YWHAG: variants seen among roughly 807,000 people sequenced by gnomAD.
YWHAG encodes 14-3-3 protein gamma.
Under a neutral mutation model 23.3 loss-of-function variants are expected in YWHAG, and 1 was observed. The observed-to-expected ratio is 0.04, with a 90% CI of 0.02 to 0.20. The LOEUF (loss-of-function observed/expected upper bound fraction) is 0.20. YWHAG is among the 10% of genes least tolerant of loss of function. YWHAG has a pLI of 1.00. For synonymous variants in YWHAG, 160 were observed against 144.0 expected, an observed-to-expected ratio of 1.11 and a Z score of -0.80; for missense variants, 151 against 338.6, an observed-to-expected ratio of 0.45 and a Z score of 4.35.
At chr7:76,339,369 C>T (rs944407204) in intron 1 of YWHAG, among the ~76,000 whole-genome samples, 9 of 152,022 alleles carry the variant, frequency 5.9e-5, no homozygotes, top group Non-Finnish European at 1.3e-4. Flanking sequence ...ACTCGGGAGG[C>T]GGAGACAGGA....
At chr7:76,336,177 G>A (rs140838565) in intron 1 of YWHAG, among the ~76,000 whole-genome samples, 14 of 152,218 alleles carry the variant, frequency 9.2e-5, no homozygotes, top group Non-Finnish European at 1.3e-4. Context: ...GAGCACACAG[G>A]ACTTTCAGGG....
chr7:76,351,348 A>G (rs961309342), intron 1 of YWHAG, among the ~76,000 whole-genome samples: 14 of 151,690 alleles, frequency 9.2e-5, no homozygotes, highest in African/African-American at 7.3e-5. Flanking sequence ...TGTTGTTCGT[A>G]TTCTCCTCTC....
chr7:76,358,975 G>T lies in YWHAG; in HGVS notation c.-167C>A. ...CGGCTGGAGCTGCGACCGCGGGACC[G>T]GGCGCGAGGCGGCTGCGGCTGCTGT... On this transcript the variant is annotated 5_prime_UTR_variant, in exon 1 of 2. Transcript: ENST00000307630. 5 of 541,986 alleles carry T rather than the reference G, an allele frequency of 9.2e-6. No homozygotes were observed. The South Asian group carries it at 1.1e-4, about 12-fold the overall frequency. 33.6% of individuals were successfully genotyped at this position (541,986 alleles called of 1,614,324 possible). A position where few individuals can be genotyped will look rare whatever the true frequency, so the allele number is the denominator to read the frequency against.
chr7:76,343,762 T>C (rs1191689544), intron 1 of YWHAG, among the ~76,000 whole-genome samples: 1 of 152,166 alleles, frequency 6.6e-6, no homozygotes, highest in African/African-American at 2.4e-5. Context: ...AAAGTGCCTG[T>C]GAGCTGGGAC....
At chr7:76,349,801 C>T (rs1447623805) in intron 1 of YWHAG, among the ~76,000 whole-genome samples, 1 of 152,138 alleles carries the variant, frequency 6.6e-6, no homozygotes, top group African/African-American at 2.4e-5. Context: ...CGAGATCAGC[C>T]TGGCTAACAT....
rs936153480 is a variant in YWHAG at position 76,358,959 on chromosome 7, C to G, written c.-151G>C. On this transcript the variant is annotated 5_prime_UTR_variant, in exon 1 of 2. Transcript: ENST00000307630. ...GGCTGCGCGGAGGAGGCGGCTGGAG[C>G]TGCGACCGCGGGACCGGGCGCGAGG... 7.7e-6 allele frequency: 5 copies of G among 648,940 alleles called. No individual in the cohort carries two copies. Among genetic ancestry groups the G allele is most frequent in the East Asian group, 3.4e-5 (1 of 29,034 alleles). 40.2% of individuals were successfully genotyped at this position (648,940 alleles called of 1,614,324 possible). A position where few individuals can be genotyped will look rare whatever the true frequency, so the allele number is the denominator to read the frequency against.
At chr7:76,333,821 G>T (rs531311031) in intron 1 of YWHAG, among the ~76,000 whole-genome samples, 1 of 152,368 alleles carries the variant, frequency 6.6e-6, no homozygotes, top group East Asian at 1.9e-4. Context: ...AGGCCACAAA[G>T]ATCAAGTTCT....
At chr7:76,355,039 C>T (rs1232960963) in intron 1 of YWHAG, among the ~76,000 whole-genome samples, 1 of 152,210 alleles carries the variant, frequency 6.6e-6, no homozygotes, top group African/African-American at 2.4e-5. Context: ...CCATTATCGA[C>T]ACATTCCTGA....
chr7:76,346,357 C>T (rs972083982), intron 1 of YWHAG, among the ~76,000 whole-genome samples: 2 of 152,212 alleles, frequency 1.3e-5, no homozygotes, highest in Non-Finnish European at 2.9e-5. Flanking sequence ...ATGGTTCCAA[C>T]ACACATGGAT....
chr7:76,344,447 C>T (rs558997690), intron 1 of YWHAG, among the ~76,000 whole-genome samples: 1 of 152,254 alleles, frequency 6.6e-6, no homozygotes, highest in South Asian at 2.1e-4. Context: ...CAGGAAGACA[C>T]CTCATCAAAT....
chr7:76,353,263 A>G (rs1051723225), intron 1 of YWHAG, among the ~76,000 whole-genome samples: 2 of 151,472 alleles, frequency 1.3e-5, no homozygotes, highest in African/African-American at 4.9e-5. Flanking sequence ...CCCAGGCTGG[A>G]GTGCAGTGGT....
chr7:76,357,485 C>T (rs1052463412), intron 1 of YWHAG, among the ~76,000 whole-genome samples: 1 of 152,138 alleles, frequency 6.6e-6, no homozygotes, highest in Non-Finnish European at 1.5e-5. Context: ...TCATAATGCT[C>T]AATACTTCCC....
At chr7:76,355,291 G>T (rs2115658174) in intron 1 of YWHAG, among the ~76,000 whole-genome samples, 1 of 152,260 alleles carries the variant, frequency 6.6e-6, no homozygotes, top group Non-Finnish European at 1.5e-5. Flanking sequence ...AATAAATAAG[G>T]CTTCCCTGAG....
At chr7:76,349,293 C>G (rs1266826332) in intron 1 of YWHAG, among the ~76,000 whole-genome samples, 5 of 149,570 alleles carry the variant, frequency 3.3e-5, no homozygotes, top group East Asian at 3.9e-4. Flanking sequence ...GAGCTGAGAT[C>G]GCGCCACTGC....
In YWHAG at chr7:76,329,212, T is replaced by C. The variant is rs1803502955; in HGVS notation, c.*365A>G. 1.4e-5 allele frequency: 3 copies of C among 214,512 alleles called. No individual in the cohort carries two copies. The highest frequency in any genetic ancestry group is 2.8e-5 in the Non-Finnish European group (3 of 106,800). The allele number at this position is 214,512 out of a possible 1,614,324, so 13.3% of individuals were successfully genotyped here. A position where few individuals can be genotyped will look rare whatever the true frequency, so the allele number is the denominator to read the frequency against. Reference sequence around the variant, plus strand: ...CGAGAGCGTATGTACATAAAAATCCTTACTGGAACCACAGAACTTACTGAA... The same window carrying C: ...CGAGAGCGTATGTACATAAAAATCCCTACTGGAACCACAGAACTTACTGAA... On this transcript the variant is annotated 3_prime_UTR_variant, in exon 2 of 2. Coordinates refer to ENST00000307630, the MANE Select transcript of YWHAG (RefSeq NM_012479.4). This position sits in a 1 kb window ranked among gnomAD's most constrained non-coding sequence, Gnocchi z 6.1.
intron 1 of YWHAG, among the ~76,000 whole-genome samples, chr7:76,355,214 C>T (rs754341189): frequency 2.0e-5 from 3 of 152,164 alleles, no homozygotes; most frequent in Admixed American, 6.5e-5. Flanking sequence ...AGTTATGTTA[C>T]GCAACTTTTA....
In YWHAG at chr7:76,342,546, C is replaced by T. The variant is rs978418840; in HGVS notation, c.88-12313G>A. On this transcript the variant is annotated intron_variant, in intron 1 of 1. Coordinates refer to ENST00000307630, the MANE Select transcript of YWHAG (RefSeq NM_012479.4). The stretch of plus-strand genomic sequence containing the variant: ...TTCGCTGGCCTTAAGATCTTTCTCT[C>T]TTGGGGGCCAGAATGCATTTTTGAA... Among the ~76,000 whole-genome samples, 4 of 152,322 alleles carry T rather than the reference C, an allele frequency of 2.6e-5. No homozygotes were observed. The East Asian group carries it at 5.8e-4, about 22-fold the overall frequency.
At chr7:76,336,451 C>CTTTTT (rs35137930) in intron 1 of YWHAG, among the ~76,000 whole-genome samples, 3 of 116,714 alleles carry the variant, frequency 2.6e-5, no homozygotes, top group African/African-American at 3.4e-5. Flanking sequence ...GAAAGTCTGG[C>CTTTTT]TTTTTTTTTT....
At chr7:76,349,337 CA>C (rs35871141) in intron 1 of YWHAG, among the ~76,000 whole-genome samples, 38,965 of 118,740 alleles carry the variant, frequency 0.33, 5,333 homozygotes, top group East Asian at 0.45. Flanking sequence ...GACTCTGTCT[CA>C]AAAAAAAAAA....
Sources: allele counts gnomAD v4.1 joint callset (sites outside exome capture counted in the v4.1 genomes callset), GRCh38; gene constraint gnomAD v4.1.1; non-coding constraint Gnocchi (gnomAD v3.1); transcripts MANE v1.5; gene names NCBI Gene and HGNC (gene_info 2026-07-23, HGNC 2026-07-21).